The following FHIT variants were observed in gnomAD, a reference collection of about 807,000 sequenced individuals.
The protein encoded by FHIT is fragile histidine triad diadenosine triphosphatase.
Under a neutral mutation model 17.9 loss-of-function variants are expected in FHIT, and 19 were observed. That is an observed-to-expected ratio of 1.06 (90% CI 0.74 to 1.56). FHIT has a LOEUF of 1.56. FHIT is among the 40% of genes most tolerant of loss of function. FHIT has a pLI of 0.00. For missense variants in FHIT, 248 were observed against 189.2 expected, an observed-to-expected ratio of 1.31 and a Z score of -1.82; for synonymous variants, 81 against 69.7, an observed-to-expected ratio of 1.16 and a Z score of -0.81.
chr3:61,053,191 G>A (rs1468274498), intron 2 of FHIT, among the ~76,000 whole-genome samples: 1 of 152,066 alleles, frequency 6.6e-6, no homozygotes, highest in Non-Finnish European at 1.5e-5. Context: ...ATGTACTTAA[G>A]AGATCTCAAA....
intron 2 of FHIT, among the ~76,000 whole-genome samples, chr3:61,150,085 A>G (rs947130232): frequency 2.6e-5 from 4 of 152,048 alleles, no homozygotes; most frequent in Non-Finnish European, 5.9e-5. Context: ...AAAATCTTCC[A>G]TATGTTTGGC....
At chr3:60,294,557 A>C (rs919160681) in intron 5 of FHIT, among the ~76,000 whole-genome samples, 1 of 152,186 alleles carries the variant, frequency 6.6e-6, no homozygotes. Context: ...GCCTAAAATA[A>C]CAATTACAAA....
chr3:60,032,402 T>G (rs141587631), intron 5 of FHIT, among the ~76,000 whole-genome samples: 1 of 151,850 alleles, frequency 6.6e-6, no homozygotes, highest in African/African-American at 2.4e-5. Flanking sequence ...CAGTAAGCTA[T>G]GATCATACTA....
intron 5 of FHIT, among the ~76,000 whole-genome samples, chr3:60,319,960 GCTCTCACAAAAC>G (rs1709347641): frequency 6.6e-6 from 1 of 152,072 alleles, no homozygotes; most frequent in Non-Finnish European, 1.5e-5. Flanking sequence ...CACAATAGCA[GCTCTCACAAAAC>G]CGCAGTCACT....
intron 5 of FHIT, among the ~76,000 whole-genome samples, chr3:60,468,416 T>C (rs550993273): frequency 6.6e-6 from 1 of 152,242 alleles, no homozygotes; most frequent in African/African-American, 2.4e-5. Context: ...GGTGATTTTC[T>C]CAAGTGATAT....
chr3:60,592,336 G>A (rs1224648495), intron 4 of FHIT, among the ~76,000 whole-genome samples: 2 of 150,994 alleles, frequency 1.3e-5, no homozygotes, highest in Non-Finnish European at 2.9e-5. Flanking sequence ...AAGGAGATGC[G>A]AATAAAAAAT....
intron 4 of FHIT, among the ~76,000 whole-genome samples, chr3:60,587,957 CT>C (rs143677265): frequency 0.03 from 4,491 of 149,210 alleles, 235 homozygotes; most frequent in African/African-American, 0.1. Context: ...GCCCCTTCTC[CT>C]TTTTTTTTTC....
At position 59,881,705 on chromosome 3, in the gene FHIT, ATTAAGT is replaced by A. The variant is rs1193730254; in HGVS notation, c.348+40635_348+40640del. Among the ~76,000 whole-genome samples, 8 of 152,346 alleles carry A rather than the reference ATTAAGT, an allele frequency of 5.3e-5. No individual in the cohort carries two copies. The South Asian group carries it at 8.3e-4, about 16-fold the overall frequency. On this transcript the variant is annotated intron_variant, in intron 8 of 9. Coordinates refer to ENST00000492590, the MANE Select transcript of FHIT (RefSeq NM_002012.4). Reference sequence around the variant, plus strand: ...TTTCTTCAGACAAATAAAAAATACAATTAAGTTTAATACAAGAAGAGGCTAAAAACA... The same window carrying A: ...TTTCTTCAGACAAATAAAAAATACAATTAATACAAGAAGAGGCTAAAAACA...
At chr3:60,526,828 G>T (rs2035593790) in intron 5 of FHIT, among the ~76,000 whole-genome samples, 1 of 152,138 alleles carries the variant, frequency 6.6e-6, no homozygotes, top group Non-Finnish European at 1.5e-5. Flanking sequence ...AGAACAAGAT[G>T]CCAGTGTCAT....
intron 8 of FHIT, among the ~76,000 whole-genome samples, chr3:59,765,149 A>C (rs542915401): frequency 1.3e-5 from 2 of 152,380 alleles, no homozygotes; most frequent in Admixed American, 1.3e-4. Context: ...AAAAACCTAT[A>C]AAAATCACTT....
rs1026905717 is a variant in FHIT, at chr3:60,764,753, C to T, written c.-18+57166G>A. Among the ~76,000 whole-genome samples the T allele has an allele frequency of 2.7e-5, 4 of 150,246 alleles. No individual in the cohort carries two copies. In the South Asian group the frequency reaches 8.4e-4, roughly 31 times the overall value. On this transcript the variant is annotated intron_variant, in intron 4 of 9. Coordinates refer to ENST00000492590, the MANE Select transcript of FHIT (RefSeq NM_002012.4). ...TATATTAATATGTGTTAATATACAA[C>T]ATATAATTACATATAATTAATATAT... is the stretch of plus-strand genomic sequence containing the variant.
chr3:60,336,330 G>C (rs1226396444), intron 5 of FHIT, among the ~76,000 whole-genome samples: 2 of 152,200 alleles, frequency 1.3e-5, no homozygotes, highest in African/African-American at 4.8e-5. Context: ...GTCTCAGACA[G>C]GTGAGCGCCA....
intron 5 of FHIT, among the ~76,000 whole-genome samples, chr3:60,273,607 G>T (rs939525299): frequency 6.6e-6 from 1 of 151,762 alleles, no homozygotes; most frequent in African/African-American, 2.4e-5. Context: ...AGACTCCGTC[G>T]TCTCAAAAAA....
chr3:60,390,588 C>G (rs1346430742), intron 5 of FHIT, among the ~76,000 whole-genome samples: 1 of 151,940 alleles, frequency 6.6e-6, no homozygotes, highest in Non-Finnish European at 1.5e-5. Flanking sequence ...GATGACAGTT[C>G]CATGCCTGTT....
intron 5 of FHIT, among the ~76,000 whole-genome samples, chr3:60,400,338 C>A (rs1157209801): frequency 6.6e-6 from 1 of 152,106 alleles, no homozygotes; most frequent in Non-Finnish European, 1.5e-5. Flanking sequence ...TGGCAGCAGC[C>A]TGGGGCCTGC....
chr3:59,969,074 T>C (rs944059062), intron 7 of FHIT, among the ~76,000 whole-genome samples: 4 of 152,168 alleles, frequency 2.6e-5, no homozygotes, highest in Admixed American at 6.6e-5. Context: ...GTTTCGTTCA[T>C]TGCTCACACA....
intron 2 of FHIT, among the ~76,000 whole-genome samples, chr3:61,191,052 G>A (rs974031854): frequency 9.2e-5 from 14 of 151,558 alleles, no homozygotes; most frequent in Admixed American, 2.6e-4. Flanking sequence ...TGCACATTGC[G>A]TACATGTACC....
intron 1 of FHIT, among the ~76,000 whole-genome samples, chr3:61,202,639 A>G: frequency 6.6e-6 from 1 of 152,234 alleles, no homozygotes; most frequent in East Asian, 1.9e-4. Context: ...GCAAATGCAT[A>G]CTTTCATATA....
chr3:60,990,305 C>G (rs1284527658), intron 3 of FHIT, among the ~76,000 whole-genome samples: 1 of 152,152 alleles, frequency 6.6e-6, no homozygotes, highest in African/African-American at 2.4e-5. Context: ...CTCCAAATGC[C>G]AAAGTGGCAG....
Sources: gnomAD v4.1 joint callset for allele counts (sites outside exome capture counted in the v4.1 genomes callset) on GRCh38, gnomAD v4.1.1 for gene constraint, MANE v1.5 for transcripts, NCBI Gene and HGNC (gene_info 2026-07-23, HGNC 2026-07-21) for gene names.